MAGI2: variants seen among roughly 807,000 people sequenced by gnomAD.
MAGI2 encodes the protein membrane associated guanylate kinase, WW and PDZ domain containing 2.
Under a neutral mutation model 133.3 loss-of-function variants are expected in MAGI2, and 35 were observed. The ratio of observed to expected loss-of-function variants is 0.26; its 90% CI spans 0.20 to 0.35. MAGI2 has a LOEUF of 0.35. Ranked by LOEUF, MAGI2 falls within the 10% of genes least tolerant of loss-of-function variation. The probability of loss-of-function intolerance (pLI) is 1.00; values close to 1 mark genes in which losing one functional copy is unlikely to be tolerated. For missense variants in MAGI2, 1,636 were observed against 1,863.4 expected (o/e 0.88, Z 2.25); for synonymous variants, 729 against 710.6 (o/e 1.03, Z -0.41).
chr7:79,157,056 G>A (rs188760159), intron 1 of MAGI2, among the ~76,000 whole-genome samples: 258 of 152,184 alleles, frequency 1.7e-3, no homozygotes, highest in Non-Finnish European at 2.7e-3. Context: ...GTTGCTAAAG[G>A]ATCCTAATTC....
intron 2 of MAGI2, among the ~76,000 whole-genome samples, chr7:78,805,063 CT>C (rs1426013070): frequency 4.0e-5 from 6 of 149,894 alleles, no homozygotes; most frequent in Non-Finnish European, 7.4e-5. Flanking sequence ...AAGACTCTGT[CT>C]CAAAAAAAAA....
chr7:79,183,150 G>A (rs1021461323), intron 1 of MAGI2, among the ~76,000 whole-genome samples: 2 of 151,824 alleles, frequency 1.3e-5, no homozygotes, highest in Non-Finnish European at 2.9e-5. Flanking sequence ...TAGGGTGACT[G>A]TAGATACAAC....
chr7:78,637,373 T>C lies in MAGI2; in HGVS notation c.419-10134A>G, dbSNP rs561040667. Among the ~76,000 whole-genome samples the C allele has an allele frequency of 3.9e-3, 590 of 152,202 alleles. 4 individuals are homozygous for C. The highest frequency in any genetic ancestry group is 0.013 in the African/African-American group (547 of 41,534). On this transcript the variant is annotated intron_variant, in intron 2 of 21. Coordinates refer to ENST00000354212, the MANE Select transcript of MAGI2 (RefSeq NM_012301.4). Reference sequence around the variant, plus strand: ...TATCTATGCAACAGTATGGCTGATATTGGGAAAGACTTAGGAGCTTGACTA... The same window carrying C: ...TATCTATGCAACAGTATGGCTGATACTGGGAAAGACTTAGGAGCTTGACTA...
intron 2 of MAGI2, among the ~76,000 whole-genome samples, chr7:78,650,978 T>G (rs1811499657): frequency 6.6e-6 from 1 of 152,140 alleles, no homozygotes; most frequent in African/African-American, 2.4e-5. Context: ...CAGTGGTGAT[T>G]TGAGGCGTTC....
At position 79,191,402 on chromosome 7, in the gene MAGI2, C is replaced by CTTTTTTTTTTTTTT. The variant is rs71095386; in HGVS notation, c.302-184210_302-184197dup. On this transcript the variant is annotated intron_variant, in intron 1 of 21. Transcript: ENST00000354212. ...TCTTTTTTTCTTTTTCTTTTTCTTT[C>CTTTTTTTTTTTTTT]TTTTTTTTTTTTTTTTTTTTTTTTT... is the stretch of plus-strand genomic sequence containing the variant. 1.6e-3 allele frequency among the ~76,000 whole-genome samples: 35 copies of CTTTTTTTTTTTTTT among 22,332 alleles called. 1 individual carries two copies. The highest frequency in any genetic ancestry group is 2.3e-3 in the Admixed American group (3 of 1,326). 14.7% of individuals were successfully genotyped at this position (22,332 alleles called of 152,430 possible).
At chr7:78,698,520 G>C (rs1364584661) in intron 2 of MAGI2, among the ~76,000 whole-genome samples, 1 of 152,116 alleles carries the variant, frequency 6.6e-6, no homozygotes, top group Non-Finnish European at 1.5e-5. Context: ...TCACCATTAG[G>C]AACTTATGTG....
At chr7:78,549,526 C>G (rs1799157810) in intron 3 of MAGI2, among the ~76,000 whole-genome samples, 1 of 152,048 alleles carries the variant, frequency 6.6e-6, no homozygotes, top group Non-Finnish European at 1.5e-5. Flanking sequence ...AAGCCAAATC[C>G]TAAATCTTCC....
At chr7:79,057,517 G>A (rs927476536) in intron 1 of MAGI2, among the ~76,000 whole-genome samples, 1 of 152,314 alleles carries the variant, frequency 6.6e-6, no homozygotes, top group Admixed American at 6.5e-5. Context: ...CAAGAGAAAA[G>A]TAATTCAAAA....
intron 10 of MAGI2, among the ~76,000 whole-genome samples, chr7:78,212,597 A>T (rs560915966): frequency 5.9e-5 from 9 of 152,320 alleles, no homozygotes; most frequent in Admixed American, 2.0e-4. Flanking sequence ...TGGATTTCTG[A>T]CCTACAGTAC....
chr7:79,405,079 A>T (rs569060263), intron 1 of MAGI2, among the ~76,000 whole-genome samples: 1 of 152,142 alleles, frequency 6.6e-6, no homozygotes, highest in Non-Finnish European at 1.5e-5. Flanking sequence ...TCCAGCATGA[A>T]TCTAACTACA....
intron 16 of MAGI2, among the ~76,000 whole-genome samples, chr7:78,159,633 T>C (rs1442189819): frequency 6.6e-6 from 1 of 152,220 alleles, no homozygotes; most frequent in East Asian, 1.9e-4. Flanking sequence ...ATCCTTTGCA[T>C]GTCTGGTTCT....
At chr7:79,433,029 T>C (rs1847880197) in intron 1 of MAGI2, among the ~76,000 whole-genome samples, 1 of 152,150 alleles carries the variant, frequency 6.6e-6, no homozygotes, top group Non-Finnish European at 1.5e-5. Context: ...CACACTAACC[T>C]CCCTTTTCAC....
At chr7:78,044,145 TC>T (rs1184029880) in intron 21 of MAGI2, among the ~76,000 whole-genome samples, 1 of 152,194 alleles carries the variant, frequency 6.6e-6, no homozygotes, top group Non-Finnish European at 1.5e-5. Context: ...ATAATGTGAC[TC>T]CCCCAACTCC....
chr7:79,254,049 T>G (rs903302420), intron 1 of MAGI2, among the ~76,000 whole-genome samples: 1 of 152,202 alleles, frequency 6.6e-6, no homozygotes, highest in African/African-American at 2.4e-5. Context: ...AAACATACTT[T>G]TATCCTCTGG....
chr7:79,052,127 A>C (rs996325906), intron 1 of MAGI2, among the ~76,000 whole-genome samples: 24 of 152,202 alleles, frequency 1.6e-4, no homozygotes, highest in Non-Finnish European at 2.6e-4. Flanking sequence ...TACAGAAGAC[A>C]CACAGAGAAA....
intron 9 of MAGI2, among the ~76,000 whole-genome samples, chr7:78,302,677 C>T (rs1456299900): frequency 6.6e-6 from 1 of 152,078 alleles, no homozygotes; most frequent in Admixed American, 6.5e-5. Context: ...GGTGCTGAGG[C>T]CCTAGACATG....
intron 1 of MAGI2, among the ~76,000 whole-genome samples, chr7:79,090,401 C>T (rs1013633961): frequency 6.6e-6 from 1 of 152,054 alleles, no homozygotes; most frequent in African/African-American, 2.4e-5. Flanking sequence ...GGTAGTGACA[C>T]TATTCTTCAA....
At chr7:78,695,574 C>A (rs322000) in intron 2 of MAGI2, among the ~76,000 whole-genome samples, 20,686 of 152,188 alleles carry the variant, frequency 0.14, 1,920 homozygotes, top group East Asian at 0.47. Flanking sequence ...CATTTCACCA[C>A]TGGTCATCCT....
At chr7:78,237,279 C>A (rs1480425258) in intron 10 of MAGI2, among the ~76,000 whole-genome samples, 3 of 152,118 alleles carry the variant, frequency 2.0e-5, no homozygotes, top group Admixed American at 2.0e-4. Flanking sequence ...TAGAATGGCA[C>A]AATGTACTTT....
Sources: allele counts gnomAD v4.1 joint callset (sites outside exome capture counted in the v4.1 genomes callset), GRCh38; gene constraint gnomAD v4.1.1; transcripts MANE v1.5; gene names NCBI Gene and HGNC (gene_info 2026-07-23, HGNC 2026-07-21).